Variants in SCAPER observed in about 807,000 individuals in gnomAD.
The protein encoded by SCAPER is S phase cyclin A-associated protein in the endoplasmic reticulum.
A neutral mutation model predicts 182.2 loss-of-function variants in SCAPER; 98 were observed. The observed-to-expected ratio is 0.54, with a 90% CI of 0.46 to 0.64. The LOEUF is 0.64. Ranked by LOEUF, SCAPER falls within the 30% of genes least tolerant of loss-of-function variation. SCAPER has a pLI of 0.00. For synonymous variants in SCAPER, 605 were observed against 564.6 expected (o/e 1.07, Z -1.01); for missense variants, 1,432 against 1,690.0 (o/e 0.85, Z 2.68).
chr15:76,592,137 G>C lies in SCAPER; in HGVS notation c.2712-17853C>G, dbSNP rs577374041. On this transcript the variant is annotated intron_variant, in intron 22 of 31. Transcript: ENST00000563290. ...AATATCTATGTTATATATATAGAGA[G>C]ATATATAGGTAATATATAGGTTATA... 3.6e-3 allele frequency among the ~76,000 whole-genome samples: 550 copies of C among 151,408 alleles called. 7 individuals carry two copies. Among genetic ancestry groups the C allele is most frequent in the African/African-American group, 0.013 (536 of 41,236 alleles).
intron 23 of SCAPER, among the ~76,000 whole-genome samples, chr15:76,548,876 T>C (rs1380092463): frequency 6.6e-6 from 1 of 152,152 alleles, no homozygotes; most frequent in Non-Finnish European, 1.5e-5. Flanking sequence ...ATTCAGGACA[T>C]AGGCATGGGC....
chr15:76,750,393 A>G (rs993286357), intron 15 of SCAPER, among the ~76,000 whole-genome samples: 2 of 151,958 alleles, frequency 1.3e-5, no homozygotes, highest in African/African-American at 4.8e-5. Flanking sequence ...CTCAAACTCC[A>G]AACAATTGAA....
chr15:76,361,365 T>C (rs2041404011), intron 29 of SCAPER, among the ~76,000 whole-genome samples: 1 of 152,228 alleles, frequency 6.6e-6, no homozygotes, highest in African/African-American at 2.4e-5. Flanking sequence ...TAGCCAAGCA[T>C]GGTGTTAGGC....
chr15:76,408,011 A>G (rs1330080479), intron 26 of SCAPER, among the ~76,000 whole-genome samples: 1 of 152,200 alleles, frequency 6.6e-6, no homozygotes, highest in Non-Finnish European at 1.5e-5. Context: ...TATCACATCT[A>G]AAAATCACCA....
intron 18 of SCAPER, among the ~76,000 whole-genome samples, chr15:76,704,373 T>G (rs892941335): frequency 3.3e-5 from 5 of 152,186 alleles, no homozygotes; most frequent in Non-Finnish European, 5.9e-5. Flanking sequence ...TTGCTTTTGG[T>G]GTTTTAGACA....
chr15:76,833,403 A>G (rs910182979), intron 5 of SCAPER, among the ~76,000 whole-genome samples: 7 of 152,210 alleles, frequency 4.6e-5, no homozygotes, highest in Non-Finnish European at 8.8e-5. Context: ...TGAAAAAACA[A>G]TAAGTGCCAC....
At chr15:76,501,058 T>C (rs879508193) in intron 24 of SCAPER, among the ~76,000 whole-genome samples, 2 of 149,082 alleles carry the variant, frequency 1.3e-5, no homozygotes, top group Non-Finnish European at 3.0e-5. Flanking sequence ...AAAAAAAAAG[T>C]TTGTAGGCAG....
intron 14 of SCAPER, among the ~76,000 whole-genome samples, chr15:76,757,393 A>G (rs1055982107): frequency 2.0e-5 from 3 of 152,108 alleles, no homozygotes; most frequent in Non-Finnish European, 4.4e-5. Context: ...AGCTCCATCC[A>G]CGTTGTCACA....
At chr15:76,877,208 A>T (rs899919486) in intron 2 of SCAPER, among the ~76,000 whole-genome samples, 2 of 138,268 alleles carry the variant, frequency 1.4e-5, no homozygotes, top group African/African-American at 5.4e-5. Context: ...CCCTGTCTTT[A>T]AAAAAAAAAA....
intron 25 of SCAPER, among the ~76,000 whole-genome samples, chr15:76,448,810 G>A (rs1038846891): frequency 2.0e-5 from 3 of 152,180 alleles, no homozygotes; most frequent in African/African-American, 7.2e-5. Context: ...ACCGAACTGA[G>A]TGGGTGAATA....
chr15:76,861,757 C>A (rs1304097020), intron 3 of SCAPER: 1 of 151,866 alleles, frequency 6.6e-6, no homozygotes, highest in Non-Finnish European at 1.5e-5. Flanking sequence ...AAGAAAAAAC[C>A]TAAATGTATT....
At chr15:76,605,490 T>G (rs1219234418) in intron 22 of SCAPER, among the ~76,000 whole-genome samples, 1 of 152,198 alleles carries the variant, frequency 6.6e-6, no homozygotes, top group African/African-American at 2.4e-5. Flanking sequence ...TTCTCTTTTT[T>G]GGTTGTGTCT....
rs534723093 is a variant in SCAPER, at chr15:76,729,832, G to A, written c.2023-1095C>T. The stretch of plus-strand genomic sequence containing the variant: ...AGCCAGAAGATAAATCATGAAAACT[G>A]GGTAACTTCAACATGAAATATTTGT... On this transcript the variant is annotated intron_variant, in intron 16 of 31. Transcript: ENST00000563290. Among the ~76,000 whole-genome samples, 11 of 152,076 alleles carry A rather than the reference G, an allele frequency of 7.2e-5. No homozygotes were observed. In the South Asian group the frequency reaches 1.7e-3, roughly 23 times the overall value.
chr15:76,845,048 C>T (rs2069924854), intron 4 of SCAPER, among the ~76,000 whole-genome samples: 1 of 152,056 alleles, frequency 6.6e-6, no homozygotes, highest in South Asian at 2.1e-4. Context: ...GTGACTTATC[C>T]CAGGGATGCA....
intron 24 of SCAPER, among the ~76,000 whole-genome samples, chr15:76,503,026 G>C (rs1197501995): frequency 6.6e-6 from 1 of 151,952 alleles, no homozygotes; most frequent in Non-Finnish European, 1.5e-5. Flanking sequence ...CAATCAGAGA[G>C]CTTAGTGTCA....
chr15:76,803,947 C>G (rs1175098564), intron 6 of SCAPER, among the ~76,000 whole-genome samples: 2 of 152,166 alleles, frequency 1.3e-5, no homozygotes, highest in African/African-American at 4.8e-5. Context: ...TGTGGTGATT[C>G]CAAATGAATC....
chr15:76,601,117 T>C (rs1227063115), intron 22 of SCAPER, among the ~76,000 whole-genome samples: 1 of 122,252 alleles, frequency 8.2e-6, no homozygotes, highest in Non-Finnish European at 2.0e-5. Context: ...TAAAAAGTAA[T>C]GGTAGTAGAC....
chr15:76,500,245 T>C (rs2040977634), intron 24 of SCAPER, among the ~76,000 whole-genome samples: 1 of 152,208 alleles, frequency 6.6e-6, no homozygotes, highest in Non-Finnish European at 1.5e-5. Context: ...TATGAAAAAC[T>C]GTGTCCACAG....
chr15:76,505,683 A>G (rs1274913737), intron 23 of SCAPER, among the ~76,000 whole-genome samples: 5 of 152,176 alleles, frequency 3.3e-5, no homozygotes, highest in African/African-American at 4.8e-5. Context: ...AATAGTTTGG[A>G]GATTTTTCAA....
Sources: gnomAD v4.1 joint callset for allele counts (sites outside exome capture counted in the v4.1 genomes callset) on GRCh38, gnomAD v4.1.1 for gene constraint, MANE v1.5 for transcripts, NCBI Gene and HGNC (gene_info 2026-07-23, HGNC 2026-07-21) for gene names.